RABGAP1: variants seen among roughly 807,000 people sequenced by gnomAD.
The protein encoded by RABGAP1 is RAB GTPase activating protein 1, also known as rab GTPase-activating protein 1.
A neutral mutation model predicts 137.6 loss-of-function variants in RABGAP1; 23 were observed. The observed-to-expected ratio is 0.17, with a 90% CI of 0.12 to 0.24. RABGAP1 has a LOEUF of 0.24. RABGAP1 is among the 10% of genes least tolerant of loss of function. The probability of loss-of-function intolerance (pLI) is 1.00; values close to 1 mark genes in which losing one functional copy is unlikely to be tolerated. For missense variants in RABGAP1, 906 were observed against 1,275.8 expected, an observed-to-expected ratio of 0.71 and a Z score of 4.42; for synonymous variants, 451 against 450.7, an observed-to-expected ratio of 1.00 and a Z score of -0.01.
chr9:122,984,753 G>T, intron 3 of RABGAP1, 34 bp downstream of exon 3: 3 of 1,579,016 alleles, frequency 1.9e-6, no homozygotes, highest in Non-Finnish European at 1.7e-6. Flanking sequence ...GTAACTGAAG[G>T]TTATTGTTTT....
chr9:122,949,817 T>A (rs28592199), intron 1 of RABGAP1, among the ~76,000 whole-genome samples: 16,456 of 151,908 alleles, frequency 0.11, 2,880 homozygotes, highest in African/African-American at 0.37. Context: ...ACAATAACAC[T>A]GCAGAAGGGA....
chr9:122,967,330 C>T (rs1415497764), intron 2 of RABGAP1, among the ~76,000 whole-genome samples: 1 of 151,940 alleles, frequency 6.6e-6, no homozygotes, highest in Admixed American at 6.6e-5. Context: ...AGGACTTTTG[C>T]TATAAAATGA....
intron 2 of RABGAP1, among the ~76,000 whole-genome samples, chr9:122,968,332 C>G (rs908805127): frequency 6.7e-6 from 1 of 148,718 alleles, no homozygotes; most frequent in Non-Finnish European, 1.5e-5. Flanking sequence ...AAATGATTCT[C>G]ATACCTCAGC....
At chr9:123,057,649 G>T (rs1373918389) in intron 13 of RABGAP1, among the ~76,000 whole-genome samples, 3 of 152,202 alleles carry the variant, frequency 2.0e-5, no homozygotes, top group Admixed American at 2.0e-4. Context: ...CCCAGACAGG[G>T]TGGTGGCCGG....
At position 122,990,291 on chromosome 9, in the gene RABGAP1, C is replaced by A; in HGVS notation, c.923+78C>A. 4 of 1,225,190 alleles carry A rather than the reference C, an allele frequency of 3.3e-6. No homozygotes were observed. The South Asian group carries it at 6.0e-5, about 18-fold the overall frequency. The allele number at this position is 1,225,190 out of a possible 1,614,324, so 75.9% of individuals were successfully genotyped here. On this transcript the variant is annotated intron_variant, in intron 6 of 25. Transcript: ENST00000373647. ...TCTAGGTCAGATTATAACTTTCATA[C>A]CATAAAATGATGGCTTTTAAAGGGA...
chr9:123,098,565 T>C (rs2035251917), intron 22 of RABGAP1, 150 bp from the exon 23 acceptor site: 1 of 615,310 alleles, frequency 1.6e-6, no homozygotes, highest in Non-Finnish European at 2.9e-6. Flanking sequence ...GGATTAGTGC[T>C]GCCAAGATTG....
At chr9:123,053,423 C>T (rs1164680291) in intron 13 of RABGAP1, among the ~76,000 whole-genome samples, 1 of 152,152 alleles carries the variant, frequency 6.6e-6, no homozygotes, top group East Asian at 1.9e-4. Context: ...TTTTCATCCT[C>T]ATTTATTTTA....
chr9:123,085,554 A>G (rs1588396991), intron 19 of RABGAP1, among the ~76,000 whole-genome samples: 1 of 152,360 alleles, frequency 6.6e-6, no homozygotes, highest in African/African-American at 2.4e-5. Flanking sequence ...TTTGAGGGCA[A>G]AAATACCTCT....
chr9:122,941,951 C>G (rs1833596414), intron 1 of RABGAP1, among the ~76,000 whole-genome samples: 1 of 152,230 alleles, frequency 6.6e-6, no homozygotes, highest in Non-Finnish European at 1.5e-5. Context: ...TGCTAGTGTT[C>G]CCGCTACTAG....
At chr9:123,040,634 A>G (rs143033468) in intron 13 of RABGAP1, among the ~76,000 whole-genome samples, 4 of 152,180 alleles carry the variant, frequency 2.6e-5, no homozygotes, top group Non-Finnish European at 4.4e-5. Flanking sequence ...CCCCAGCCCT[A>G]TCTTTTATCA....
rs200985185 is a variant in RABGAP1, at chr9:123,062,601, T to A, written c.1795-2747T>A. 3.9e-4 allele frequency: 59 copies of A among 152,338 alleles called. No homozygotes were observed. The East Asian group carries it at 6.6e-3, about 17-fold the overall frequency. The allele number at this position is 152,338 out of a possible 1,614,324, so 9.4% of individuals were successfully genotyped here. A position where few individuals can be genotyped will look rare whatever the true frequency, so the allele number is the denominator to read the frequency against. On this transcript the variant is annotated intron_variant, in intron 13 of 25. Coordinates refer to ENST00000373647, the MANE Select transcript of RABGAP1 (RefSeq NM_012197.4). ...TTATCATTCTTGAAGGCATCAAAAATTGAGTGTGAATTTTCAAAATGACCT... is the reference window on the plus strand; with the variant it reads ...TTATCATTCTTGAAGGCATCAAAAAATGAGTGTGAATTTTCAAAATGACCT...
intron 1 of RABGAP1, among the ~76,000 whole-genome samples, chr9:122,953,666 T>A (rs146826347): frequency 0.015 from 2,347 of 152,374 alleles, 28 homozygotes; most frequent in Non-Finnish European, 0.023. Flanking sequence ...CCCAAAGTGC[T>A]GGGATTATAG....
intron 1 of RABGAP1, among the ~76,000 whole-genome samples, chr9:122,946,715 T>G (rs1188501863): frequency 6.6e-6 from 1 of 152,190 alleles, no homozygotes; most frequent in Non-Finnish European, 1.5e-5. Context: ...AGCCAGCATA[T>G]GTAGAGTTCT....
At position 123,104,398 on chromosome 9, in the gene RABGAP1, GA is replaced by G. The variant is rs1242571242; in HGVS notation, c.*1187del. On this transcript the variant is annotated 3_prime_UTR_variant, in exon 26 of 26. Transcript: ENST00000373647. ...TGTAAGTTCTCACTTCAAAGCTATG[GA>G]ATGGATTTTAGCACCTTTAAAAAAA... 7.0e-6 allele frequency: 1 copy of G among 142,222 alleles called. No homozygotes were observed. The highest frequency in any genetic ancestry group is 1.5e-5 in the Non-Finnish European group (1 of 66,168). 8.8% of individuals were successfully genotyped at this position (142,222 alleles called of 1,614,324 possible).
intron 10 of RABGAP1, among the ~76,000 whole-genome samples, chr9:123,002,506 T>C (rs1438633150): frequency 6.6e-6 from 1 of 151,544 alleles, no homozygotes; most frequent in Non-Finnish European, 1.5e-5. Context: ...TCCCCTGATC[T>C]TGCATTTCCT....
chr9:122,987,245 G>A (rs1204938361), intron 4 of RABGAP1, among the ~76,000 whole-genome samples: 2 of 152,180 alleles, frequency 1.3e-5, no homozygotes, highest in African/African-American at 4.8e-5. Context: ...TCAGATGTCT[G>A]TATCAACCAG....
At chr9:123,046,203 G>T (rs1421347953) in intron 13 of RABGAP1, among the ~76,000 whole-genome samples, 1 of 152,146 alleles carries the variant, frequency 6.6e-6, no homozygotes, top group African/African-American at 2.4e-5. Flanking sequence ...TACAATACTT[G>T]GATGTACTTC....
chr9:122,986,049 T>G (rs1176214201), intron 3 of RABGAP1, among the ~76,000 whole-genome samples, 166 bp from the exon 4 acceptor site: 1 of 152,190 alleles, frequency 6.6e-6, no homozygotes, highest in Non-Finnish European at 1.5e-5. Flanking sequence ...AGAGTTCTAG[T>G]GTGGGATTTC....
At chr9:122,996,891 G>T (rs373858742) in intron 8 of RABGAP1, 57 of 441,708 alleles carry the variant, frequency 1.3e-4, no homozygotes, top group African/African-American at 6.3e-4. Context: ...ATTAAAGAAT[G>T]ATTTATAGAC....
Sources: gnomAD v4.1 joint callset for allele counts (sites outside exome capture counted in the v4.1 genomes callset) on GRCh38, gnomAD v4.1.1 for gene constraint, MANE v1.5 for transcripts, NCBI Gene and HGNC (gene_info 2026-07-23, HGNC 2026-07-21) for gene names.